AFF1: variants seen among roughly 807,000 people sequenced by gnomAD.
The protein encoded by AFF1 is AF4/FMR2 family member 1.
Under a neutral mutation model 121.7 loss-of-function variants are expected in AFF1, and 48 were observed. That is an observed-to-expected ratio of 0.39 (90% CI 0.31 to 0.50). The LOEUF is 0.50. AFF1 is among the 20% of genes least tolerant of loss of function. The pLI is 0.76. For missense variants in AFF1, 1,523 were observed against 1,511.7 expected, an observed-to-expected ratio of 1.01 and a Z score of -0.12; for synonymous variants, 613 against 563.0, an observed-to-expected ratio of 1.09 and a Z score of -1.26.
At chr4:87,022,260 A>G (rs1727980685) in intron 2 of AFF1, among the ~76,000 whole-genome samples, 1 of 151,806 alleles carries the variant, frequency 6.6e-6, no homozygotes, top group Non-Finnish European at 1.5e-5. Flanking sequence ...TAAAAGTCAA[A>G]AATAGCCCAG....
At chr4:86,948,705 A>G (rs1721044268) in intron 2 of AFF1, 134 bp downstream of exon 2, 1 of 830,236 alleles carries the variant, frequency 1.2e-6, no homozygotes, top group East Asian at 2.7e-5. Flanking sequence ...TGAAATTTTC[A>G]GTTTTCTCTA....
intron 4 of AFF1, among the ~76,000 whole-genome samples, chr4:87,070,379 C>T (rs1329576782): frequency 6.6e-6 from 1 of 152,206 alleles, no homozygotes; most frequent in Non-Finnish European, 1.5e-5. Flanking sequence ...CCTTGTGATC[C>T]ACCTGCCTCG....
At chr4:87,104,261 C>T (rs556833254) in intron 8 of AFF1, among the ~76,000 whole-genome samples, 7 of 152,166 alleles carry the variant, frequency 4.6e-5, no homozygotes, top group Admixed American at 1.3e-4. Context: ...AAAAATTAGC[C>T]GGGCATGGTG....
At chr4:87,100,428 A>G (rs1260108434) in intron 8 of AFF1, among the ~76,000 whole-genome samples, 1 of 152,100 alleles carries the variant, frequency 6.6e-6, no homozygotes, top group Non-Finnish European at 1.5e-5. Context: ...GACTCTCCCC[A>G]CAAGACTTGC....
chr4:87,105,887 AT>A (rs758399331), intron 10 of AFF1, 42 bp downstream of exon 10: 8 of 1,605,176 alleles, frequency 5.0e-6, no homozygotes, highest in Non-Finnish European at 6.8e-6. Context: ...AATGTTTGCA[AT>A]TTTTTACCAA....
chr4:87,048,923 G>A (rs943152143), intron 4 of AFF1, among the ~76,000 whole-genome samples: 20 of 152,136 alleles, frequency 1.3e-4, no homozygotes, highest in Admixed American at 1.2e-3. Flanking sequence ...GTGCTGTGAT[G>A]GAGGTAGGGG....
intron 2 of AFF1, among the ~76,000 whole-genome samples, chr4:87,029,478 A>C (rs180982152): frequency 1.3e-5 from 2 of 152,296 alleles, no homozygotes; most frequent in East Asian, 3.9e-4. Flanking sequence ...ACTTTTGAAG[A>C]ATCAGGACAT....
At chr4:86,944,472 T>C (rs1720702922) in intron 1 of AFF1, among the ~76,000 whole-genome samples, 1 of 151,730 alleles carries the variant, frequency 6.6e-6, no homozygotes, top group African/African-American at 2.4e-5. Context: ...GTTCACGCCA[T>C]TCTCCTGCCT....
intron 8 of AFF1, among the ~76,000 whole-genome samples, chr4:87,098,298 G>T (rs774495179): frequency 6.6e-6 from 1 of 152,176 alleles, no homozygotes; most frequent in Non-Finnish European, 1.5e-5. Flanking sequence ...AATTCCTTCT[G>T]TAAAGTTCTG....
chr4:87,012,397 A>G (rs1726868312), intron 2 of AFF1, among the ~76,000 whole-genome samples: 1 of 152,140 alleles, frequency 6.6e-6, no homozygotes, highest in South Asian at 2.1e-4. Flanking sequence ...TCTAGGACAA[A>G]GTTTCTTGGA....
chr4:86,966,591 A>G (rs62658961), intron 2 of AFF1, among the ~76,000 whole-genome samples: 1 of 15,742 alleles, frequency 6.4e-5, no homozygotes, highest in Admixed American at 6.5e-4. Context: ...GGCTCACAGG[A>G]AAAAAAAAAA....
At chr4:87,006,776 T>C (rs1726161864) in intron 2 of AFF1, among the ~76,000 whole-genome samples, 2 of 152,224 alleles carry the variant, frequency 1.3e-5, no homozygotes, top group South Asian at 2.1e-4. Context: ...GAGAGCACTC[T>C]CGAGGAGCCC....
intron 2 of AFF1, among the ~76,000 whole-genome samples, chr4:86,967,334 GAA>G (rs1722606154): frequency 1.3e-5 from 2 of 152,128 alleles, no homozygotes; most frequent in African/African-American, 4.8e-5. Context: ...AAACAAAACA[GAA>G]GTAAACCGTA....
rs180670743 is a variant in AFF1, at chr4:87,123,309, T to C, written c.2467-1728T>C. Reference sequence around the variant, plus strand: ...AAAAATCAATATAAAAATATTACATTCTCTTTTTTCTACTAAGTCATTTCA... The same window carrying C: ...AAAAATCAATATAAAAATATTACATCCTCTTTTTTCTACTAAGTCATTTCA... On this transcript the variant is annotated intron_variant, in intron 12 of 20. Coordinates refer to ENST00000395146, the MANE Select transcript of AFF1 (RefSeq NM_001166693.3). Among the ~76,000 whole-genome samples, 106 of 152,268 alleles carry C rather than the reference T, an allele frequency of 7.0e-4. 2 individuals carry two copies. Among genetic ancestry groups the C allele is most frequent in the Admixed American group, 6.3e-3 (96 of 15,284 alleles).
At chr4:87,122,814 C>T (rs1431132552) in intron 12 of AFF1, among the ~76,000 whole-genome samples, 1 of 128,846 alleles carries the variant, frequency 7.8e-6, no homozygotes, top group East Asian at 2.4e-4. Context: ...ATATAAGCCA[C>T]ATATGTAATT....
In AFF1 at chr4:87,114,517, G is replaced by A. The variant is rs1726876491; in HGVS notation, c.1684G>A (p.Glu562Lys). 1 of 1,613,402 alleles carries A rather than the reference G, an allele frequency of 6.2e-7. No homozygotes were observed. Among genetic ancestry groups the A allele is most frequent in the Non-Finnish European group, 8.5e-7 (1 of 1,179,918 alleles). Residue 562 changes from glutamate to lysine, a missense_variant, in exon 12 of 21, where the codon GAG (glutamate) becomes AAG (lysine). Glu to Lys is a moderately conservative substitution (Grantham distance 56). Around this residue, in one of 5 missense-constraint regions of AFF1, gnomAD observed 905 missense variants for 842.5 expected, o/e 1.07. Coordinates refer to ENST00000395146, the MANE Select transcript of AFF1 (RefSeq NM_001166693.3). ...CAGCAGCGACAGTGCCACGAGTCAG[G>A]AGCATTCTGAATCCAAAGATCCTCC... ...KGSSDSATSQ[E>K]HSESKDPPPK...
Position 87,001,207 on chromosome 4 carries a change from C to CTTTTTTTTTTTTTTTT in AFF1, c.39-44947_39-44932dup, listed in dbSNP as rs34072831. On this transcript the variant is annotated intron_variant, in intron 2 of 20. Transcript: ENST00000395146. ...TGAGAGGACTGCTTTCCTTTTTCTA[C>CTTTTTTTTTTTTTTTT]TTTTTTTTTTTTTTTTTTTTTTTTT... Among the ~76,000 whole-genome samples the CTTTTTTTTTTTTTTTT allele has an allele frequency of 2.7e-4, 16 of 60,298 alleles. 4 individuals carry two copies. The highest frequency in any genetic ancestry group is 3.3e-4 in the Non-Finnish European group (11 of 33,310). 39.6% of individuals were successfully genotyped at this position (60,298 alleles called of 152,430 possible).
chr4:87,066,818 T>C (rs1032816437), intron 4 of AFF1, among the ~76,000 whole-genome samples: 1 of 152,230 alleles, frequency 6.6e-6, no homozygotes, highest in African/African-American at 2.4e-5. Context: ...CCTCAGCCTC[T>C]GCCCTGGCTC....
At chr4:86,963,270 C>A (rs1395223974) in intron 2 of AFF1, among the ~76,000 whole-genome samples, 3 of 149,678 alleles carry the variant, frequency 2.0e-5, no homozygotes, top group Non-Finnish European at 3.0e-5. Context: ...AAATAGAAAT[C>A]ATATATTTCC....
Sources: gnomAD v4.1 joint callset for allele counts (sites outside exome capture counted in the v4.1 genomes callset) on GRCh38, gnomAD v4.1.1 for gene constraint, gnomAD v4.1.1 regional missense constraint, MANE v1.5 for transcripts, NCBI Gene and HGNC (gene_info 2026-07-23, HGNC 2026-07-21) for gene names.